The following SAMD11 variants were observed in gnomAD, a reference collection of about 807,000 sequenced individuals.
SAMD11 encodes the protein sterile alpha motif domain-containing protein 11.
SAMD11 carries 77 observed loss-of-function variants against 64.4 expected under a neutral mutation model. That is an observed-to-expected ratio of 1.20 (90% confidence interval 0.99 to 1.44). The LOEUF is 1.44. SAMD11 is among the 40% of genes most tolerant of loss of function. The pLI is 0.00. For missense variants in SAMD11, 1,402 were observed against 943.3 expected, an observed-to-expected ratio of 1.49 and a Z score of -6.37; for synonymous variants, 658 against 421.9, an observed-to-expected ratio of 1.56 and a Z score of -6.86.
chr1:935,768 G>A lies in SAMD11; in HGVS notation c.843-4G>A, dbSNP rs756551970. 1.9e-6 allele frequency: 3 copies of A among 1,613,256 alleles called. No individual in the cohort carries two copies. Among genetic ancestry groups the A allele is most frequent in the South Asian group, 1.1e-5 (1 of 91,082 alleles). ...GGTCAGCTTTTCCCGGTCTCGTTCTGCAGCCAGGACGGCAACCTTCCCACC... is the reference window on the plus strand; with the variant it reads ...GGTCAGCTTTTCCCGGTCTCGTTCTACAGCCAGGACGGCAACCTTCCCACC... On this transcript the variant is annotated splice_region_variant and splice_polypyrimidine_tract_variant and intron_variant, in intron 4 of 13. Transcript: ENST00000616016.
chr1:925,701 G>T (rs1266058530), intron 1 of SAMD11: 1 of 488,730 alleles, frequency 2.0e-6, no homozygotes, highest in Non-Finnish European at 3.7e-6. Context: ...GCCCTTCGTC[G>T]GGGGAGGGCG....
At chr1:932,405 C>T (rs1289540111) in intron 4 of SAMD11, among the ~76,000 whole-genome samples, 2 of 152,174 alleles carry the variant, frequency 1.3e-5, no homozygotes, top group Non-Finnish European at 2.9e-5. Flanking sequence ...TTCCATCCTG[C>T]ACGGGCCCTA....
Position 939,122 on chromosome 1 carries a change from G to A in SAMD11, c.1050G>A (p.Ser350=), listed in dbSNP as rs574293234. The A allele has an allele frequency of 2.0e-5, 32 of 1,592,172 alleles. No homozygotes were observed. The East Asian group carries it at 3.8e-4, about 19-fold the overall frequency. ...CFSEKRARSE[S]PQEALLLPRE... ...CAGAGAAGAGGGCACGAAGCGAATC[G>A]CCTCAAGGTAAGAGCGTGGCTGGGA... Residue 350 remains serine (S), a synonymous_variant, in exon 6 of 14, where the codon TCG becomes TCA. Coordinates refer to ENST00000616016, the MANE Select transcript of SAMD11 (RefSeq NM_001385641.1).
At position 942,727 on chromosome 1, in the gene SAMD11, C is replaced by G. The variant is rs1557610394; in HGVS notation, c.1722C>G (p.Pro574=). 6.8e-7 allele frequency: 1 copy of G among 1,465,098 alleles called. No homozygotes were observed. Among genetic ancestry groups the G allele is most frequent in the African/African-American group, 1.5e-5 (1 of 67,336 alleles). The allele number at this position is 1,465,098 out of a possible 1,614,324, so 90.8% of individuals were successfully genotyped here. A position where few individuals can be genotyped will look rare whatever the true frequency, so the allele number is the denominator to read the frequency against. Residue 574 remains proline (P), a synonymous_variant, in exon 11 of 14, where the codon CCC becomes CCG. Transcript: ENST00000616016. ...GCGCGGCGCCACTGCTGGCCCTGCC[C>G]CCCCAGGGGCCCCCGGGCTCCGGAC... ...NHGAAPLLAL[P]PQGPPGSGPP... is the part of the protein sequence containing the mutation.
chr1:930,045 C>A, intron 2 of SAMD11, 110 bp from the exon 3 acceptor site: 1 of 1,319,050 alleles, frequency 7.6e-7, no homozygotes, highest in Non-Finnish European at 1.0e-6. Context: ...GGTGCGAGAC[C>A]AGGGCAGACC....
chr1:936,228 C>T (rs1282972423), intron 5 of SAMD11, among the ~76,000 whole-genome samples: 1 of 152,016 alleles, frequency 6.6e-6, no homozygotes, highest in African/African-American at 2.4e-5. Context: ...GCAGCGCACG[C>T]ATGACTGGTC....
intron 8 of SAMD11, among the ~76,000 whole-genome samples, chr1:941,566 C>T (rs1050910241): frequency 2.3e-4 from 35 of 152,036 alleles, no homozygotes; most frequent in Non-Finnish European, 4.7e-4. Context: ...AGTCTGGAAC[C>T]CCGGGGTCAG....
intron 9 of SAMD11, 53 bp from the exon 10 acceptor site, chr1:942,357 C>T (rs1357753310): frequency 2.5e-6 from 3 of 1,209,186 alleles, no homozygotes; most frequent in African/African-American, 1.6e-5. Flanking sequence ...TGCAAAGGGC[C>T]GGCTCGGACC....
At chr1:943,106 A>C (rs936202780) in intron 11 of SAMD11, 48 bp downstream of exon 11, 9 of 1,554,642 alleles carry the variant, frequency 5.8e-6, no homozygotes, top group Admixed American at 5.5e-5. Context: ...CAGGACTGGC[A>C]GGCCGCCTGT....
intron 7 of SAMD11, among the ~76,000 whole-genome samples, chr1:940,832 G>A: frequency 6.6e-6 from 1 of 152,220 alleles, no homozygotes; most frequent in East Asian, 1.9e-4. Flanking sequence ...TGCCCCGCAG[G>A]CTCTGTGGCC....
chr1:932,262 C>G (rs1287243317), intron 4 of SAMD11, among the ~76,000 whole-genome samples: 1 of 152,136 alleles, frequency 6.6e-6, no homozygotes, highest in Admixed American at 6.5e-5. Flanking sequence ...AGCCGCGGTC[C>G]CCCCGACCCC....
chr1:930,974 G>A, intron 3 of SAMD11, 65 bp from the exon 4 acceptor site: 3 of 1,529,066 alleles, frequency 2.0e-6, no homozygotes, highest in Non-Finnish European at 2.7e-6. Flanking sequence ...CGCACGCCCT[G>A]CTATCCTGAG....
At chr1:925,471 G>C (rs1640836721) in intron 1 of SAMD11, among the ~76,000 whole-genome samples, 1 of 151,912 alleles carries the variant, frequency 6.6e-6, no homozygotes, top group Admixed American at 6.6e-5. Flanking sequence ...GGGACACAGG[G>C]GGTGCGGTGA....
intron 4 of SAMD11, 124 bp downstream of exon 4, chr1:931,213 T>A: frequency 2.2e-6 from 2 of 910,084 alleles, no homozygotes; most frequent in Non-Finnish European, 3.4e-6. Flanking sequence ...TGATGCTGGC[T>A]GAGTGTCTGC....
At position 943,890 on chromosome 1, in the gene SAMD11, C is replaced by T. The variant is rs753833324; in HGVS notation, c.2290-18C>T. 6.2e-7 allele frequency: 1 copy of T among 1,612,976 alleles called. No homozygotes were observed. Among genetic ancestry groups the T allele is most frequent in the South Asian group, 1.1e-5 (1 of 91,074 alleles). ...TGGGTGGGTGTGCGACAGCCCCCAC[C>T]AGGCCATCTCTCTGCAGGTGGCCAG... is the stretch of plus-strand genomic sequence containing the variant. On this transcript the variant is annotated intron_variant, in intron 13 of 13. Coordinates refer to ENST00000616016, the MANE Select transcript of SAMD11 (RefSeq NM_001385641.1).
chr1:942,701 G>T lies in SAMD11; in HGVS notation c.1696G>T (p.Gly566Cys). ...CGGGGCCCTGCTGGTGCTGAACCAC[G>T]GCGCGGCGCCACTGCTGGCCCTGCC... ...RRGALLVLNH[G>C]AAPLLALPPQ... Residue 566 changes from glycine (G) to cysteine (C), a missense_variant, in exon 11 of 14, where the codon GGC becomes TGC. By Grantham distance (159) the Gly-to-Cys change is radical (BLOSUM62 -3). Transcript: ENST00000616016. The T allele has an allele frequency of 1.4e-6, 2 of 1,441,040 alleles. No individual in the cohort carries two copies. Among genetic ancestry groups the T allele is most frequent in the South Asian group, 2.9e-5 (2 of 70,160 alleles). 89.3% of individuals were successfully genotyped at this position (1,441,040 alleles called of 1,614,324 possible). A position where few individuals can be genotyped will look rare whatever the true frequency, so the allele number is the denominator to read the frequency against.
In SAMD11 at chr1:944,317, G is replaced by C. The variant is rs1055495964; in HGVS notation, c.*164G>C. The stretch of plus-strand genomic sequence containing the variant: ...GAAAGGAACAAATTTTCAAAGACTT[G>C]GGGGAGTGAAGGCAGAGCCTGGTGC... On this transcript the variant is annotated 3_prime_UTR_variant, in exon 14 of 14. Transcript: ENST00000616016. 1.0e-5 allele frequency: 14 copies of C among 1,390,270 alleles called. No individual in the cohort carries two copies. In the South Asian group the frequency reaches 2.0e-4, roughly 20 times the overall value. The allele number at this position is 1,390,270 out of a possible 1,614,324, so 86.1% of individuals were successfully genotyped here.
chr1:935,792 C>T lies in SAMD11; in HGVS notation c.863C>T (p.Thr288Ile), dbSNP rs753652680. 4 of 1,613,436 alleles carry T rather than the reference C, an allele frequency of 2.5e-6. No homozygotes were observed. The South Asian group carries it at 4.4e-5, about 18-fold the overall frequency. Residue 288 changes from threonine (T) to isoleucine (I), a missense_variant, in exon 5 of 14, where the codon ACC (threonine) becomes ATC (isoleucine). Thr to Ile is a moderately conservative substitution (Grantham distance 89). Transcript: ENST00000616016. Reference sequence around the variant, plus strand: ...TGCAGCCAGGACGGCAACCTTCCCACCCTCATATCCAGCGTCCACCGCAGC... The same window carrying T: ...TGCAGCCAGGACGGCAACCTTCCCATCCTCATATCCAGCGTCCACCGCAGC... ...ASCSQDGNLP[T>I]LISSVHRSRH...
intron 4 of SAMD11, among the ~76,000 whole-genome samples, chr1:933,136 C>T (rs866048086): frequency 4.6e-5 from 7 of 152,326 alleles, no homozygotes; most frequent in East Asian, 1.9e-4. Context: ...GTCCCTTGTG[C>T]GAAGCAGGGT....
Sources: allele counts gnomAD v4.1 joint callset (sites outside exome capture counted in the v4.1 genomes callset), GRCh38; gene constraint gnomAD v4.1.1; transcripts MANE v1.5; gene names NCBI Gene and HGNC (gene_info 2026-07-23, HGNC 2026-07-21).